The following DNM3 variants were observed in gnomAD, a reference collection of about 807,000 sequenced individuals.
DNM3 encodes dynamin-3.
In DNM3, 47 loss-of-function variants were observed where a neutral mutation model predicts 101.6. The observed-to-expected ratio is 0.46, with a 90% CI of 0.37 to 0.59. The LOEUF is 0.59. Ranked by LOEUF, DNM3 falls within the 20% of genes least tolerant of loss-of-function variation. The pLI is 0.00. For missense variants in DNM3, 849 were observed against 1,085.7 expected (o/e 0.78, Z 3.06); for synonymous variants, 385 against 387.9 (o/e 0.99, Z 0.09).
In DNM3 at chr1:171,991,205, C is replaced by T. The variant is rs185051560; in HGVS notation, c.589+2057C>T. On this transcript the variant is annotated intron_variant, in intron 4 of 20. Coordinates refer to ENST00000627582, the MANE Select transcript of DNM3 (RefSeq NM_015569.5). ...GCAATTAATTCTTTTCTGCAGCAGA[C>T]ATCAGCTAGGTATCCTCTGATTAAA... is the stretch of plus-strand genomic sequence containing the variant. Among the ~76,000 whole-genome samples, 15 of 152,284 alleles carry T rather than the reference C, an allele frequency of 9.9e-5. No homozygotes were observed. In the East Asian group the frequency reaches 2.5e-3, roughly 25 times the overall value.
chr1:171,881,581 C>T (rs1489575801), intron 1 of DNM3, among the ~76,000 whole-genome samples: 6 of 152,164 alleles, frequency 3.9e-5, no homozygotes, highest in African/African-American at 1.2e-4. Flanking sequence ...CAAGCAGCTC[C>T]ATAGAGCCAG....
intron 10 of DNM3, among the ~76,000 whole-genome samples, chr1:172,061,882 C>T (rs374270338): frequency 6.6e-6 from 1 of 151,912 alleles, no homozygotes. Flanking sequence ...AAAGAAAATA[C>T]TTGCATTTCA....
chr1:171,915,702 G>T lies in DNM3; in HGVS notation c.162-6046G>T, dbSNP rs1027416298. ...TAATATGATTGTAATGAGTTGTAGG[G>T]ATGTTTAAGAGGTTAATGTGATTGT... On this transcript the variant is annotated intron_variant, in intron 1 of 20. Coordinates refer to ENST00000627582, the MANE Select transcript of DNM3 (RefSeq NM_015569.5). Among the ~76,000 whole-genome samples, 14 of 152,148 alleles carry T rather than the reference G, an allele frequency of 9.2e-5. 1 individual carries two copies. Among genetic ancestry groups the T allele is most frequent in the African/African-American group, 3.4e-4 (14 of 41,448 alleles).
chr1:172,114,415 T>C (rs1458345414), intron 13 of DNM3, among the ~76,000 whole-genome samples: 1 of 152,204 alleles, frequency 6.6e-6, no homozygotes, highest in African/African-American at 2.4e-5. Context: ...TATTGAGATG[T>C]AGGTGATCAC....
At chr1:171,953,240 C>A (rs949235832) in intron 2 of DNM3, among the ~76,000 whole-genome samples, 1 of 152,134 alleles carries the variant, frequency 6.6e-6, no homozygotes, top group African/African-American at 2.4e-5. Context: ...CTACTTATCA[C>A]AAACTTTGCT....
chr1:171,923,083 C>T (rs1571630638), intron 2 of DNM3, among the ~76,000 whole-genome samples: 1 of 152,134 alleles, frequency 6.6e-6, no homozygotes, highest in African/African-American at 2.4e-5. Flanking sequence ...ATTGCTGGGC[C>T]ATGTAGTAAC....
intron 14 of DNM3, among the ~76,000 whole-genome samples, chr1:172,199,075 T>G (rs972522468): frequency 6.6e-6 from 1 of 152,132 alleles, no homozygotes; most frequent in Non-Finnish European, 1.5e-5. Flanking sequence ...TAACGCAGGC[T>G]TGGCTGTGTC....
chr1:171,965,705 A>T (rs1175343280), intron 2 of DNM3, among the ~76,000 whole-genome samples: 1 of 152,090 alleles, frequency 6.6e-6, no homozygotes, highest in Non-Finnish European at 1.5e-5. Context: ...CAGCAAGTGG[A>T]TGCATTTAAC....
chr1:172,412,265 T>C lies in DNM3; in HGVS notation c.*4424T>C. 5 of 985,372 alleles carry C rather than the reference T, an allele frequency of 5.1e-6. No individual in the cohort carries two copies. The highest frequency in any genetic ancestry group is 6.0e-6 in the Non-Finnish European group (5 of 829,828). The allele number at this position is 985,372 out of a possible 1,614,324, so 61.0% of individuals were successfully genotyped here. A position where few individuals can be genotyped will look rare whatever the true frequency, so the allele number is the denominator to read the frequency against. ...TCCTTAAACTTCGCTCATTATGAAATGTTTTAAAATTATGACAAAAATTAC... is the reference window on the plus strand; with the variant it reads ...TCCTTAAACTTCGCTCATTATGAAACGTTTTAAAATTATGACAAAAATTAC... On this transcript the variant is annotated 3_prime_UTR_variant, in exon 21 of 21. Transcript: ENST00000627582.
At chr1:172,292,781 C>G (rs982529238) in intron 15 of DNM3, among the ~76,000 whole-genome samples, 1 of 152,104 alleles carries the variant, frequency 6.6e-6, no homozygotes, top group African/African-American at 2.4e-5. Flanking sequence ...TTTAAATTCA[C>G]TAGACAAGTT....
chr1:172,152,016 C>G (rs1275619464), intron 14 of DNM3, among the ~76,000 whole-genome samples: 2 of 152,058 alleles, frequency 1.3e-5, no homozygotes, highest in African/African-American at 4.8e-5. Flanking sequence ...TAGCTGGGAC[C>G]ACAGGTGTGC....
chr1:172,079,943 C>G (rs1410337268), intron 11 of DNM3, among the ~76,000 whole-genome samples: 5 of 152,146 alleles, frequency 3.3e-5, no homozygotes, highest in Non-Finnish European at 2.9e-5. Flanking sequence ...CTGGGTATCA[C>G]CAGCAGAGGC....
chr1:172,331,162 C>T (rs932174130), intron 17 of DNM3, among the ~76,000 whole-genome samples: 1 of 152,128 alleles, frequency 6.6e-6, no homozygotes, highest in Admixed American at 6.5e-5. Context: ...CTGGACCAAT[C>T]GTTCTTCCTT....
intron 14 of DNM3, among the ~76,000 whole-genome samples, chr1:172,238,195 A>T (rs1244962180): frequency 6.6e-6 from 1 of 152,158 alleles, no homozygotes. Flanking sequence ...CCAACACAAG[A>T]TTTCTTTTTA....
intron 14 of DNM3, among the ~76,000 whole-genome samples, chr1:172,219,661 A>C (rs775793141): frequency 4.6e-5 from 7 of 152,104 alleles, no homozygotes; most frequent in Non-Finnish European, 1.0e-4. Flanking sequence ...ACTCAATCTG[A>C]GAGGCGTCAG....
rs191540060 is a variant in DNM3 at position 172,176,273 on chromosome 1, C to G, written c.1659+44985C>G. Among the ~76,000 whole-genome samples the G allele has an allele frequency of 2.3e-3, 355 of 151,782 alleles. 1 individual carries two copies. The highest frequency in any genetic ancestry group is 8.2e-3 in the African/African-American group (341 of 41,450). On this transcript the variant is annotated intron_variant, in intron 14 of 20. Coordinates refer to ENST00000627582, the MANE Select transcript of DNM3 (RefSeq NM_015569.5). ...TTTTCTGGCTTTGAAAGTAAAGAAG[C>G]TATGAACTAAGGAATGTAGGTAGCT...
intron 14 of DNM3, among the ~76,000 whole-genome samples, chr1:172,167,511 G>T (rs113861947): frequency 7.4e-4 from 113 of 152,122 alleles, no homozygotes; most frequent in Non-Finnish European, 1.4e-3. Flanking sequence ...TTCCACCATG[G>T]TTGAACTAGT....
chr1:171,901,068 G>C (rs1398532913), intron 1 of DNM3, among the ~76,000 whole-genome samples: 2 of 136,040 alleles, frequency 1.5e-5, no homozygotes, highest in African/African-American at 5.6e-5. Context: ...AGCCGAGAGC[G>C]CGCCACTGCA....
At chr1:171,927,959 C>T (rs1049615303) in intron 2 of DNM3, among the ~76,000 whole-genome samples, 1 of 152,196 alleles carries the variant, frequency 6.6e-6, no homozygotes, top group African/African-American at 2.4e-5. Flanking sequence ...TCTTTCTCAT[C>T]TCTGCATGTG....
Sources: gnomAD v4.1 joint callset for allele counts (sites outside exome capture counted in the v4.1 genomes callset) on GRCh38, gnomAD v4.1.1 for gene constraint, MANE v1.5 for transcripts, NCBI Gene and HGNC (gene_info 2026-07-23, HGNC 2026-07-21) for gene names.